Variants in PTPRT observed in about 807,000 individuals in gnomAD.
PTPRT encodes the protein protein tyrosine phosphatase receptor type T.
A neutral mutation model predicts 176.8 loss-of-function variants in PTPRT; 56 were observed. The observed-to-expected ratio is 0.32, with a 90% CI of 0.26 to 0.40. PTPRT has a LOEUF of 0.40. Among genes scored for constraint, PTPRT ranks in the 10% least tolerant of loss-of-function variants. PTPRT has a pLI of 1.00. For missense variants in PTPRT, 1,540 were observed against 1,908.2 expected, an observed-to-expected ratio of 0.81 and a Z score of 3.60; for synonymous variants, 783 against 739.0, an observed-to-expected ratio of 1.06 and a Z score of -0.96.
chr20:42,360,839 A>T (rs926313707), intron 9 of PTPRT, among the ~76,000 whole-genome samples: 2 of 152,236 alleles, frequency 1.3e-5, no homozygotes, highest in Non-Finnish European at 2.9e-5. Context: ...ACCGCCTGGA[A>T]CAAATCCTTC....
chr20:42,550,201 G>A (rs2072743335), intron 7 of PTPRT, among the ~76,000 whole-genome samples: 1 of 152,040 alleles, frequency 6.6e-6, no homozygotes, highest in African/African-American at 2.4e-5. Flanking sequence ...CTTGCCATAG[G>A]GGTACGTATG....
At chr20:42,691,576 G>A (rs762276997) in intron 6 of PTPRT, among the ~76,000 whole-genome samples, 1 of 152,156 alleles carries the variant, frequency 6.6e-6, no homozygotes, top group Non-Finnish European at 1.5e-5. Context: ...AAGAGTTTAA[G>A]AGATGACACC....
At chr20:42,145,834 C>T (rs1467729228) in intron 17 of PTPRT, among the ~76,000 whole-genome samples, 2 of 152,154 alleles carry the variant, frequency 1.3e-5, no homozygotes, top group Admixed American at 1.3e-4. Flanking sequence ...GTCCAACGCC[C>T]TTAGACAAAC....
chr20:42,954,318 CATG>C lies in PTPRT; in HGVS notation c.89-68389_89-68387del, dbSNP rs532783890. Among the ~76,000 whole-genome samples the C allele has an allele frequency of 2.2e-4, 33 of 152,270 alleles. No homozygotes were observed. In the East Asian group the frequency reaches 3.9e-3, roughly 18 times the overall value. ...AGAGGGAACTTTGGGGAAGCAAAAT[CATG>C]ATAAGGCTCTTGTTTGGTGAGCAGG... On this transcript the variant is annotated intron_variant, in intron 1 of 30. Coordinates refer to ENST00000373187, the MANE Select transcript of PTPRT (RefSeq NM_007050.6).
chr20:42,117,773 C>A lies in PTPRT; in HGVS notation c.2982+630G>T, dbSNP rs6072629. The stretch of plus-strand genomic sequence containing the variant: ...CACCCTGTGAGTCTTTAAAGTTTGG[C>A]AGAAAAGAGGGAACAAGAAAATACT... On this transcript the variant is annotated intron_variant, in intron 21 of 30. Transcript: ENST00000373187. Among the ~76,000 whole-genome samples the A allele has an allele frequency of 4.8e-3, 725 of 152,172 alleles. 6 individuals are homozygous for A. The highest frequency in any genetic ancestry group is 8.6e-3 in the Non-Finnish European group (588 of 68,008).
chr20:42,884,117 T>C (rs1222928045), intron 2 of PTPRT, among the ~76,000 whole-genome samples: 1 of 152,112 alleles, frequency 6.6e-6, no homozygotes, highest in Admixed American at 6.5e-5. Flanking sequence ...TGGGTGATTC[T>C]ATCATGTAAA....
intron 16 of PTPRT, among the ~76,000 whole-genome samples, chr20:42,183,529 A>G (rs571597791): frequency 6.6e-6 from 1 of 152,358 alleles, no homozygotes; most frequent in East Asian, 1.9e-4. Context: ...TGCTTGTAAT[A>G]GCAGAATTAT....
At chr20:42,457,817 A>G (rs935784730) in intron 8 of PTPRT, among the ~76,000 whole-genome samples, 1 of 152,050 alleles carries the variant, frequency 6.6e-6, no homozygotes, top group Non-Finnish European at 1.5e-5. Context: ...CCTTCCTGTA[A>G]TTGTTTCTTT....
intron 1 of PTPRT, chr20:42,969,305 C>G (rs2146058681): frequency 6.6e-6 from 1 of 152,252 alleles, no homozygotes; most frequent in South Asian, 2.1e-4. Flanking sequence ...AGTGAAAATG[C>G]TGGTGCAAGT....
intron 12 of PTPRT, among the ~76,000 whole-genome samples, chr20:42,299,338 C>G (rs962380298): frequency 6.6e-6 from 1 of 151,966 alleles, no homozygotes; most frequent in Non-Finnish European, 1.5e-5. Context: ...AAATACATAA[C>G]CATATTCTAG....
intron 7 of PTPRT, among the ~76,000 whole-genome samples, chr20:42,567,749 T>G (rs1477747518): frequency 1.3e-5 from 2 of 152,202 alleles, no homozygotes; most frequent in Non-Finnish European, 2.9e-5. Flanking sequence ...AGGGGATGAT[T>G]AATCAGTTGC....
intron 9 of PTPRT, among the ~76,000 whole-genome samples, chr20:42,413,458 T>C (rs980334847): frequency 2.6e-5 from 4 of 152,094 alleles, no homozygotes; most frequent in African/African-American, 7.2e-5. Flanking sequence ...CTCACCCCCA[T>C]AGCAAAACTT....
Position 42,591,923 on chromosome 20 carries a change from A to T in PTPRT, c.1153+85943T>A, listed in dbSNP as rs1328674990. 2.7e-5 allele frequency among the ~76,000 whole-genome samples: 4 copies of T among 150,098 alleles called. No homozygotes were observed. In the East Asian group the frequency reaches 7.9e-4, roughly 30 times the overall value. On this transcript the variant is annotated intron_variant, in intron 7 of 30. Coordinates refer to ENST00000373187, the MANE Select transcript of PTPRT (RefSeq NM_007050.6). ...AGGATATAGCACAAACTTCGTTCTT[A>T]GTCTCTGTGGCCACCAGAGTCATTA... is the stretch of plus-strand genomic sequence containing the variant.
intron 1 of PTPRT, among the ~76,000 whole-genome samples, chr20:42,959,717 C>T (rs528331357): frequency 6.6e-6 from 1 of 152,230 alleles, no homozygotes; most frequent in Non-Finnish European, 1.5e-5. Flanking sequence ...TAGCGCCTAC[C>T]CCAAGGGAGC....
chr20:42,638,827 T>A (rs1285547547), intron 7 of PTPRT, among the ~76,000 whole-genome samples: 2 of 152,192 alleles, frequency 1.3e-5, no homozygotes, highest in Admixed American at 1.3e-4. Flanking sequence ...TTCAATTTTC[T>A]TCTCTGTTTA....
At chr20:42,913,861 C>A (rs1313734901) in intron 1 of PTPRT, among the ~76,000 whole-genome samples, 1 of 152,130 alleles carries the variant, frequency 6.6e-6, no homozygotes, top group Non-Finnish European at 1.5e-5. Context: ...AATTTTAAAC[C>A]AGAATGAGTG....
At chr20:42,726,706 C>T (rs1226968454) in intron 6 of PTPRT, among the ~76,000 whole-genome samples, 1 of 152,176 alleles carries the variant, frequency 6.6e-6, no homozygotes, top group East Asian at 1.9e-4. Flanking sequence ...AAGAACTCAC[C>T]ACACAGTAGG....
Position 42,509,823 on chromosome 20 carries a change from A to G in PTPRT, c.1154-37261T>C, listed in dbSNP as rs147039132. Among the ~76,000 whole-genome samples the G allele has an allele frequency of 2.6e-3, 401 of 152,212 alleles. 2 individuals carry two copies. The highest frequency in any genetic ancestry group is 8.8e-3 in the African/African-American group (364 of 41,536). ...TTTAGCAAATATGTATTGAGCATCC[A>G]CTTAGAGTACCATACCCATTCCTGG... On this transcript the variant is annotated intron_variant, in intron 7 of 30. Transcript: ENST00000373187.
intron 1 of PTPRT, among the ~76,000 whole-genome samples, chr20:42,904,186 A>AT (rs981302532): frequency 7.3e-5 from 11 of 151,468 alleles, no homozygotes; most frequent in Non-Finnish European, 7.4e-5. Context: ...CTCTACGCAC[A>AT]TTTTTTTTTA....
Sources: allele counts gnomAD v4.1 joint callset (sites outside exome capture counted in the v4.1 genomes callset), GRCh38; gene constraint gnomAD v4.1.1; transcripts MANE v1.5; gene names NCBI Gene and HGNC (gene_info 2026-07-23, HGNC 2026-07-21).